ZNF713: variants seen among roughly 807,000 people sequenced by gnomAD.
ZNF713 encodes zinc finger protein 713.
A neutral mutation model predicts 28.7 loss-of-function variants in ZNF713; 21 were observed. That is an observed-to-expected ratio of 0.73 (90% CI 0.52 to 1.05). The LOEUF (loss-of-function observed/expected upper bound fraction) is 1.05, where lower values mean the gene tolerates loss of function less well. Ranked by LOEUF, ZNF713 falls within the 50% of genes least tolerant of loss-of-function variation. ZNF713 has a pLI of 0.00. For missense variants in ZNF713, 458 were observed against 532.4 expected (o/e 0.86, Z 1.37); for synonymous variants, 167 against 178.0 (o/e 0.94, Z 0.49).
At chr7:55,930,505 A>G (rs996905925) in intron 6 of ZNF713, among the ~76,000 whole-genome samples, 3 of 152,166 alleles carry the variant, frequency 2.0e-5, no homozygotes, top group African/African-American at 2.4e-5. Context: ...TGGGAACACA[A>G]CCACACTCAT....
Position 55,908,428 on chromosome 7 carries a change from A to G in ZNF713, c.-456+2049A>G, listed in dbSNP as rs561175957. Among the ~76,000 whole-genome samples the G allele has an allele frequency of 4.6e-3, 703 of 152,148 alleles. 3 individuals carry two copies. Among genetic ancestry groups the G allele is most frequent in the Middle Eastern group, 0.02 (6 of 294 alleles). On this transcript the variant is annotated intron_variant, in intron 2 of 6. Coordinates refer to ENST00000429591, the MANE Select transcript of ZNF713 (RefSeq NM_182633.3). The stretch of plus-strand genomic sequence containing the variant: ...AGTGCTAGGATTACAGGCATGAGCC[A>G]CTGCACCTGGCCAACATCCGTTGTT...
chr7:55,932,874 G>C (rs1034768560), intron 6 of ZNF713, among the ~76,000 whole-genome samples: 26 of 96,442 alleles, frequency 2.7e-4, no homozygotes, highest in African/African-American at 1.2e-3. Context: ...CTGGGCGACA[G>C]AGCGAGACTC....
intron 1 of ZNF713, among the ~76,000 whole-genome samples, chr7:55,899,034 A>G (rs1421244784): frequency 6.6e-6 from 1 of 152,196 alleles, no homozygotes; most frequent in Non-Finnish European, 1.5e-5. Flanking sequence ...TACAGCCATC[A>G]CAGCAAACTA....
At chr7:55,892,747 C>T (rs1785410744) in intron 1 of ZNF713, among the ~76,000 whole-genome samples, 1 of 150,506 alleles carries the variant, frequency 6.6e-6, no homozygotes, top group South Asian at 2.1e-4. Flanking sequence ...TGGCGGAAGC[C>T]TATAATCCCA....
At position 55,932,890 on chromosome 7, in the gene ZNF713, C is replaced by CAAA. The variant is rs61092452; in HGVS notation, c.308-6074_308-6072dup. On this transcript the variant is annotated intron_variant, in intron 6 of 6. Transcript: ENST00000429591. The stretch of plus-strand genomic sequence containing the variant: ...TGGGCGACAGAGCGAGACTCCGTCT[C>CAAA]AAAAAAAAAAAAAAAAAAAAGAAGC... Among the ~76,000 whole-genome samples the CAAA allele has an allele frequency of 6.0e-3, 284 of 47,726 alleles. 14 individuals carry two copies. Among genetic ancestry groups the CAAA allele is most frequent in the Middle Eastern group, 0.023 (1 of 44 alleles). The allele number at this position is 47,726 out of a possible 152,430, so 31.3% of individuals were successfully genotyped here.
At chr7:55,895,692 TC>T (rs1274470089) in intron 1 of ZNF713, among the ~76,000 whole-genome samples, 3 of 152,052 alleles carry the variant, frequency 2.0e-5, no homozygotes, top group Non-Finnish European at 2.9e-5. Flanking sequence ...GGTCTCGAAC[TC>T]CCGACCTCAG....
At position 55,892,304 on chromosome 7, in the gene ZNF713, A is replaced by AAAT. The variant is rs1785395416; in HGVS notation, c.-583+4624_-583+4625insAAT. Among the ~76,000 whole-genome samples the AAAT allele has an allele frequency of 1.4e-4, 20 of 144,250 alleles. 1 individual carries two copies. The highest frequency in any genetic ancestry group is 6.5e-4 in the East Asian group (3 of 4,598). The allele number at this position is 144,250 out of a possible 152,430, so 94.6% of individuals were successfully genotyped here. A position where few individuals can be genotyped will look rare whatever the true frequency, so the allele number is the denominator to read the frequency against. On this transcript the variant is annotated intron_variant, in intron 1 of 6. Transcript: ENST00000429591. The stretch of plus-strand genomic sequence containing the variant: ...AAAAAAAAAAAAAAAAAAAAAAAAA[A>AAAT]CCCCAGGAACAACGTGTGAGAGATT...
At chr7:55,895,906 A>T (rs1191290435) in intron 1 of ZNF713, among the ~76,000 whole-genome samples, 3 of 152,156 alleles carry the variant, frequency 2.0e-5, no homozygotes, top group Admixed American at 6.5e-5. Flanking sequence ...CATTTACCCA[A>T]CCAGATTCAT....
rs974369030 is a variant in ZNF713, at chr7:55,911,675, T to C, written c.-396T>C. 1 of 152,050 alleles carries C rather than the reference T, an allele frequency of 6.6e-6. No individual in the cohort carries two copies. The highest frequency in any genetic ancestry group is 2.4e-5 in the African/African-American group (1 of 41,376). 9.4% of individuals were successfully genotyped at this position (152,050 alleles called of 1,614,324 possible). ...TGCCAGGATGCAGATTTGAATACTA[T>C]AGTGAAGTCTGTACATGAAGAAATG... is the stretch of plus-strand genomic sequence containing the variant. On this transcript the variant is annotated 5_prime_UTR_variant, in exon 3 of 7. Transcript: ENST00000429591.
intron 4 of ZNF713, among the ~76,000 whole-genome samples, chr7:55,922,409 A>C (rs188273343): frequency 6.6e-6 from 1 of 152,114 alleles, no homozygotes; most frequent in Admixed American, 6.5e-5. Context: ...GTAGTGGTGC[A>C]CACCTGTAGT....
chr7:55,927,146 A>T (rs1786112025), intron 6 of ZNF713, among the ~76,000 whole-genome samples: 1 of 152,054 alleles, frequency 6.6e-6, no homozygotes, highest in Non-Finnish European at 1.5e-5. Flanking sequence ...CATCTCAAAC[A>T]AACAAAAAAA....
At position 55,912,733 on chromosome 7, in the gene ZNF713, G is replaced by A. The variant is rs752630161; in HGVS notation, c.87+10G>A. 1 of 1,608,526 alleles carries A rather than the reference G, an allele frequency of 6.2e-7. No individual in the cohort carries two copies. Among genetic ancestry groups the A allele is most frequent in the African/African-American group, 1.3e-5 (1 of 74,952 alleles). On this transcript the variant is annotated intron_variant, in intron 4 of 6. Transcript: ENST00000429591. ...GATGGTGAGATCTCAGGTAAGTTCA[G>A]TTTTCCTCTCCTCTGAAATGCCAGT...
chr7:55,902,965 C>G (rs987995543), intron 1 of ZNF713, among the ~76,000 whole-genome samples: 2 of 136,744 alleles, frequency 1.5e-5, no homozygotes, highest in African/African-American at 5.6e-5. Context: ...TGCACTCCAG[C>G]CTGGACAACA....
At position 55,912,655 on chromosome 7, in the gene ZNF713, G is replaced by GT. The variant is rs536459452; in HGVS notation, c.25dup (p.Ser9PhefsTer13). ...CCTAGTTATGCCTTCTCAGAATGCTGTTTTTTCTCAGGAGGGGAACATGGA... is the reference window on the plus strand; with the variant it reads ...CCTAGTTATGCCTTCTCAGAATGCTGTTTTTTTCTCAGGAGGGGAACATGGA... On this transcript the variant is annotated frameshift_variant, in exon 4 of 7. Coordinates refer to ENST00000429591, the MANE Select transcript of ZNF713 (RefSeq NM_182633.3). LOFTEE classifies it high-confidence loss of function. The GT allele has an allele frequency of 2.2e-3, 3,537 of 1,612,974 alleles. 8 individuals are homozygous for GT. The highest frequency in any genetic ancestry group is 2.4e-3 in the Non-Finnish European group (2,881 of 1,179,548).
intron 1 of ZNF713, among the ~76,000 whole-genome samples, chr7:55,895,451 C>CTTTTTTTTTTT (rs55972416): frequency 2.4e-5 from 2 of 82,374 alleles, no homozygotes; most frequent in African/African-American, 3.8e-5. Context: ...CTGTTATACT[C>CTTTTTTTTTTT]TTTTTTTTTT....
At chr7:55,914,127 A>AT (rs1344881368) in intron 4 of ZNF713, among the ~76,000 whole-genome samples, 1 of 151,372 alleles carries the variant, frequency 6.6e-6, no homozygotes, top group African/African-American at 2.4e-5. Context: ...AAAAAAAAAA[A>AT]GAGGCTTAGC....
intron 1 of ZNF713, among the ~76,000 whole-genome samples, chr7:55,895,285 T>C (rs1785453337): frequency 6.6e-6 from 1 of 152,078 alleles, no homozygotes; most frequent in African/African-American, 2.4e-5. Context: ...GAATGTGACA[T>C]TGATTAGATA....
chr7:55,939,365 A>G lies in ZNF713; in HGVS notation c.691A>G (p.Arg231Gly), dbSNP rs1369242991. 1.2e-6 allele frequency: 2 copies of G among 1,613,910 alleles called. No homozygotes were observed. The highest frequency in any genetic ancestry group is 1.7e-6 in the Non-Finnish European group (2 of 1,180,024). The change falls in exon 7 of 7, where the codon AGA becomes GGA. Residue 231 changes from arginine (R) to glycine (G), a missense_variant. By Grantham distance (125) the Arg-to-Gly change is moderately radical. Coordinates refer to ENST00000429591, the MANE Select transcript of ZNF713 (RefSeq NM_182633.3). Reference sequence around the variant, plus strand: ...GATTTACTATCAGGGAAATTATGTAAGAGAGACTCCCTATGAATATAGTGA... The same window carrying G: ...GATTTACTATCAGGGAAATTATGTAGGAGAGACTCCCTATGAATATAGTGA... ...DLIYYQGNYVRETPYEYSECG... is the reference protein window; with the variant it reads ...DLIYYQGNYVGETPYEYSECG...
chr7:55,910,022 T>TAG (rs1363666065), intron 2 of ZNF713, among the ~76,000 whole-genome samples: 1 of 151,376 alleles, frequency 6.6e-6, no homozygotes, highest in Non-Finnish European at 1.5e-5. Context: ...TGTGTGTGTA[T>TAG]ATATATATAT....
Sources: allele counts gnomAD v4.1 joint callset (sites outside exome capture counted in the v4.1 genomes callset), GRCh38; gene constraint gnomAD v4.1.1; transcripts MANE v1.5; gene names NCBI Gene and HGNC (gene_info 2026-07-23, HGNC 2026-07-21).